ZNF462: variants seen among roughly 807,000 people sequenced by gnomAD.
ZNF462 encodes zinc finger protein 462.
ZNF462 carries 10 observed loss-of-function variants against 201.9 expected under a neutral mutation model. The observed-to-expected ratio is 0.05, with a 90% CI of 0.03 to 0.08. ZNF462 has a LOEUF of 0.08. Ranked by LOEUF, ZNF462 falls within the 10% of genes least tolerant of loss-of-function variation. The pLI, the probability that ZNF462 is intolerant of heterozygous loss-of-function variation, is 1.00. For missense variants in ZNF462, 2,523 were observed against 3,168.3 expected, an observed-to-expected ratio of 0.80 and a Z score of 4.89; for synonymous variants, 1,227 against 1,193.3, an observed-to-expected ratio of 1.03 and a Z score of -0.58.
chr9:106,934,495 G>T (rs1366436700), intron 5 of ZNF462, among the ~76,000 whole-genome samples: 2 of 152,148 alleles, frequency 1.3e-5, no homozygotes, highest in African/African-American at 2.4e-5. Flanking sequence ...TGGAAGAAAG[G>T]TTAGTGCCAT....
Position 107,010,780 on chromosome 9 carries a change from T to C in ZNF462, c.7314-43T>C, listed in dbSNP as rs750337299. 1 of 1,509,816 alleles carries C rather than the reference T, an allele frequency of 6.6e-7. No homozygotes were observed. Among genetic ancestry groups the C allele is most frequent in the African/African-American group, 1.4e-5 (1 of 70,160 alleles). 93.5% of individuals were successfully genotyped at this position (1,509,816 alleles called of 1,614,324 possible). A position where few individuals can be genotyped will look rare whatever the true frequency, so the allele number is the denominator to read the frequency against. ...ATTTTTTTGTTTAAAAAGAGAAATA[T>C]ATATACTATACTCATCTGTCTCTTC... On this transcript the variant is annotated intron_variant, in intron 12 of 12. Coordinates refer to ENST00000277225, the MANE Select transcript of ZNF462 (RefSeq NM_021224.6). This position sits in a 1 kb window ranked among gnomAD's most constrained non-coding sequence, Gnocchi z 4.6.
At chr9:106,958,760 T>C (rs12002021) in intron 7 of ZNF462, among the ~76,000 whole-genome samples, 18,977 of 151,982 alleles carry the variant, frequency 0.12, 1,232 homozygotes, top group African/African-American at 0.14. Flanking sequence ...AGTCAACCAA[T>C]ACATCCACTG....
intron 1 of ZNF462, among the ~76,000 whole-genome samples, chr9:106,881,307 C>G (rs1303100907): frequency 6.6e-6 from 1 of 152,064 alleles, no homozygotes; most frequent in Non-Finnish European, 1.5e-5. Flanking sequence ...GAAGGGGGAC[C>G]CTTTTCTGTC....
chr9:106,900,353 A>C (rs549720042), intron 1 of ZNF462, among the ~76,000 whole-genome samples: 1 of 151,906 alleles, frequency 6.6e-6, no homozygotes, highest in South Asian at 2.1e-4. Context: ...TGGGTGTGCA[A>C]GTATCTTTTT....
At position 106,926,230 on chromosome 9, in the gene ZNF462, A is replaced by G. The variant is rs748549270; in HGVS notation, c.2318A>G (p.Asn773Ser). The change falls in exon 3 of 13, where the codon AAC becomes AGC. Residue 773 changes from asparagine (N) to serine (S), a missense_variant. Physicochemically the swap from Asn to Ser is conservative, Grantham distance 46. Around this residue, in one of 15 missense-constraint regions of ZNF462, gnomAD observed 383 missense variants for 453.4 expected, o/e 0.84. Transcript: ENST00000277225. This position sits in a 1 kb window ranked among gnomAD's most constrained non-coding sequence, Gnocchi z 7.9. ...ACCAGTGAGCCCCAGAAAGAGCCCA[A>G]CTTCAGAAACATCACCCACGATTAC... ...RDTSEPQKEP[N>S]FRNITHDYNA... The G allele has an allele frequency of 8.1e-6, 13 of 1,614,082 alleles. No individual in the cohort carries two copies. The East Asian group carries it at 2.2e-4, about 28-fold the overall frequency.
rs796482801 is a variant in ZNF462 at position 107,002,805 on chromosome 9, C to T, written c.7057-489C>T. Among the ~76,000 whole-genome samples the T allele has an allele frequency of 7.2e-5, 11 of 152,274 alleles. 1 individual carries two copies. Among genetic ancestry groups the T allele is most frequent in the African/African-American group, 1.9e-4 (8 of 41,570 alleles). On this transcript the variant is annotated intron_variant, in intron 10 of 12. Coordinates refer to ENST00000277225, the MANE Select transcript of ZNF462 (RefSeq NM_021224.6). ...CAGATGGCTGTCATCTGGCCTAAGC[C>T]GGGACAGCCTGCAACACCCTGGTTG...
rs41277829 is a variant in ZNF462, at chr9:106,932,613, G to A, written c.6116+64G>A. Reference sequence around the variant, plus strand: ...ATGATGTCATAGTGGAAGGCACTAAGCTAAAGCAGAAGCTTGGATGAGTAA... The same window carrying A: ...ATGATGTCATAGTGGAAGGCACTAAACTAAAGCAGAAGCTTGGATGAGTAA... On this transcript the variant is annotated intron_variant, in intron 5 of 12. Coordinates refer to ENST00000277225, the MANE Select transcript of ZNF462 (RefSeq NM_021224.6). The surrounding 1 kb of genome is among the most constrained non-coding windows in gnomAD (Gnocchi z 6.8). 3 of 1,608,234 alleles carry A rather than the reference G, an allele frequency of 1.9e-6. No individual in the cohort carries two copies. Among genetic ancestry groups the A allele is most frequent in the Non-Finnish European group, 2.6e-6 (3 of 1,176,094 alleles).
chr9:106,995,224 T>C (rs1323609813), intron 10 of ZNF462, among the ~76,000 whole-genome samples: 1 of 152,134 alleles, frequency 6.6e-6, no homozygotes, highest in Non-Finnish European at 1.5e-5. Context: ...GGACTTTTGC[T>C]AAGTTAGGTA....
Position 106,928,500 on chromosome 9 carries a change from G to C in ZNF462, c.4588G>C (p.Val1530Leu). Residue 1530 changes from valine (V) to leucine (L), a missense_variant, in exon 3 of 13, where the codon GTA becomes CTA. By Grantham distance (32) the Val-to-Leu change is conservative. Coordinates refer to ENST00000277225, the MANE Select transcript of ZNF462 (RefSeq NM_021224.6). This position sits in a 1 kb window ranked among gnomAD's most constrained non-coding sequence, Gnocchi z 9.3. The stretch of plus-strand genomic sequence containing the variant: ...ATACATCAACACCCGCATCCACGGC[G>C]TACTGACCCACTACCAGAAGCGACA... ...CPYINTRIHG[V>L]LTHYQKRHPS... The C allele has an allele frequency of 6.2e-7, 1 of 1,614,022 alleles. No homozygotes were observed. Among genetic ancestry groups the C allele is most frequent in the Non-Finnish European group, 8.5e-7 (1 of 1,180,022 alleles).
chr9:106,931,607 C>T (rs137955204), intron 4 of ZNF462, among the ~76,000 whole-genome samples: 1,624 of 152,274 alleles, frequency 0.011, 12 homozygotes, highest in Non-Finnish European at 0.017. Flanking sequence ...GACACCACTG[C>T]GGTGTGTCCC....
In ZNF462 at chr9:107,008,252, T is replaced by C. The variant is rs1829701106; in HGVS notation, c.7190-1293T>C. On this transcript the variant is annotated intron_variant, in intron 11 of 12. Transcript: ENST00000277225. This position sits in a 1 kb window ranked among gnomAD's most constrained non-coding sequence, Gnocchi z 4.8. ...GCAGATGGTGCTGTCTCATTTCCAATGAAAAGAATCAAGGAAGATAGTCTG... is the reference window on the plus strand; with the variant it reads ...GCAGATGGTGCTGTCTCATTTCCAACGAAAAGAATCAAGGAAGATAGTCTG... 6.6e-6 allele frequency among the ~76,000 whole-genome samples: 1 copy of C among 152,178 alleles called. No individual in the cohort carries two copies. Among genetic ancestry groups the C allele is most frequent in the Non-Finnish European group, 1.5e-5 (1 of 68,036 alleles).
In ZNF462 at chr9:106,974,481, G is replaced by T; in HGVS notation, c.6832+208G>T. The T allele has an allele frequency of 1.4e-6, 1 of 697,762 alleles. No homozygotes were observed. The highest frequency in any genetic ancestry group is 2.8e-5 in the East Asian group (1 of 36,178). The allele number at this position is 697,762 out of a possible 1,614,324, so 43.2% of individuals were successfully genotyped here. On this transcript the variant is annotated intron_variant, in intron 9 of 12. Coordinates refer to ENST00000277225, the MANE Select transcript of ZNF462 (RefSeq NM_021224.6). The surrounding 1 kb of genome is among the most constrained non-coding windows in gnomAD (Gnocchi z 4.0). ...GAGTATTTCCTCCACCTGGAGGGAG[G>T]CAAAGGTGATGGATTCTGCAGTGAA... is the stretch of plus-strand genomic sequence containing the variant.
Position 106,925,236 on chromosome 9 carries a change from C to T in ZNF462, c.1324C>T (p.Pro442Ser), listed in dbSNP as rs760435846. Residue 442 changes from proline to serine, a missense_variant, in exon 3 of 13, where the codon CCC (proline) becomes TCC (serine). Pro to Ser is a moderately conservative substitution (Grantham distance 74). Coordinates refer to ENST00000277225, the MANE Select transcript of ZNF462 (RefSeq NM_021224.6). This position sits in a 1 kb window ranked among gnomAD's most constrained non-coding sequence, Gnocchi z 7.9. Reference sequence around the variant, plus strand: ...AAGATTCATGAATAGGTTCCAGTGCCCCTTTTGTCCTTTCCTCACCATGCA... The same window carrying T: ...AAGATTCATGAATAGGTTCCAGTGCTCCTTTTGTCCTTTCCTCACCATGCA... ...FRRFMNRFQC[P>S]FCPFLTMHRR... 1.2e-6 allele frequency: 2 copies of T among 1,614,142 alleles called. No homozygotes were observed. The highest frequency in any genetic ancestry group is 1.7e-6 in the Non-Finnish European group (2 of 1,180,028).
chr9:106,954,689 C>T lies in ZNF462; in HGVS notation c.6427+15582C>T, dbSNP rs1208718555. 1.3e-5 allele frequency among the ~76,000 whole-genome samples: 2 copies of T among 152,070 alleles called. No individual in the cohort carries two copies. The highest frequency in any genetic ancestry group is 2.9e-5 in the Non-Finnish European group (2 of 68,022). On this transcript the variant is annotated intron_variant, in intron 7 of 12. Coordinates refer to ENST00000277225, the MANE Select transcript of ZNF462 (RefSeq NM_021224.6). The surrounding 1 kb of genome is among the most constrained non-coding windows in gnomAD (Gnocchi z 4.0). ...TCCTTCATCTCCACATGCCCAGGTA[C>T]TACCTGTCTTTCAAAGCCACTTGCA...
chr9:106,959,684 G>A (rs1831740329), intron 7 of ZNF462, among the ~76,000 whole-genome samples: 1 of 152,086 alleles, frequency 6.6e-6, no homozygotes, highest in Non-Finnish European at 1.5e-5. Context: ...GCTGGGTTTT[G>A]CCATCTATAT....
chr9:106,942,003 G>C (rs1303800215), intron 7 of ZNF462, among the ~76,000 whole-genome samples: 1 of 152,188 alleles, frequency 6.6e-6, no homozygotes, highest in African/African-American at 2.4e-5. Flanking sequence ...GAAGCTGTGG[G>C]GCTATTGGCT....
intron 7 of ZNF462, among the ~76,000 whole-genome samples, chr9:106,944,928 G>T (rs761020441): frequency 6.6e-5 from 10 of 152,144 alleles, no homozygotes; most frequent in Non-Finnish European, 1.2e-4. Flanking sequence ...CCATTGTAAC[G>T]TGAAAGTAGC....
chr9:106,914,598 C>T (rs1829691358), intron 1 of ZNF462, among the ~76,000 whole-genome samples: 2 of 152,234 alleles, frequency 1.3e-5, no homozygotes, highest in South Asian at 4.1e-4. Flanking sequence ...TTTGTTCCTT[C>T]CTTCATTCAG....
At chr9:106,892,043 G>A (rs947541764) in intron 1 of ZNF462, among the ~76,000 whole-genome samples, 1 of 152,100 alleles carries the variant, frequency 6.6e-6, no homozygotes, top group Admixed American at 6.5e-5. Context: ...TCTTTTAAAT[G>A]TATTTCTCTA....
Sources: gnomAD v4.1 joint callset for allele counts (sites outside exome capture counted in the v4.1 genomes callset) on GRCh38, gnomAD v4.1.1 for gene constraint, gnomAD v4.1.1 regional missense constraint, Gnocchi (gnomAD v3.1) non-coding constraint, MANE v1.5 for transcripts, NCBI Gene and HGNC (gene_info 2026-07-23, HGNC 2026-07-21) for gene names.